Variants in ADORA2A observed in about 807,000 individuals in gnomAD.
ADORA2A encodes the protein adenosine receptor A2a.
ADORA2A carries 11 observed loss-of-function variants against 18.4 expected under a neutral mutation model. The observed-to-expected ratio is 0.60, with a 90% CI of 0.38 to 0.99. The LOEUF (loss-of-function observed/expected upper bound fraction) is 0.99, where lower values mean the gene tolerates loss of function less well. Among genes scored for constraint, ADORA2A ranks in the 50% least tolerant of loss-of-function variants. The pLI is 0.01. For synonymous variants in ADORA2A, 218 were observed against 237.3 expected, an observed-to-expected ratio of 0.92 and a Z score of 0.75; for missense variants, 449 against 556.1, an observed-to-expected ratio of 0.81 and a Z score of 1.94.
intron 1 of ADORA2A, chr22:24,431,344 G>A (rs1291002893): frequency 8.8e-6 from 4 of 456,414 alleles, no homozygotes; most frequent in Non-Finnish European, 1.8e-5. Context: ...CTGGGTGCAG[G>A]AGAACCTCCA....
intron 1 of ADORA2A, among the ~76,000 whole-genome samples, chr22:24,428,529 G>C (rs2042954148): frequency 6.6e-6 from 1 of 152,200 alleles, no homozygotes. Context: ...AGTCGGTTCA[G>C]AAGTTCTCAT....
At chr22:24,425,282 T>A (rs2042904621), upstream of ADORA2A, among the ~76,000 whole-genome samples, 1 of 149,962 alleles carries the variant, frequency 6.7e-6, no homozygotes, top group Non-Finnish European at 1.5e-5. Flanking sequence ...GGCCCTGCTT[T>A]GGCCGTTCCT....
intron 2 of ADORA2A, 139 bp downstream of exon 2, chr22:24,433,875 C>T (rs573395859): frequency 3.1e-6 from 3 of 971,124 alleles, no homozygotes; most frequent in Admixed American, 2.7e-5. Context: ...GCCCCAGGCT[C>T]AGCAGGGGCT....
upstream of ADORA2A, among the ~76,000 whole-genome samples, chr22:24,426,632 T>A (rs989407700): frequency 6.6e-5 from 10 of 152,084 alleles, no homozygotes; most frequent in African/African-American, 2.4e-4. Context: ...CCTGGGGCTC[T>A]GGGTGGTGGG....
rs1451220000 is a variant in ADORA2A, at chr22:24,441,528, C to T, written c.*39C>T. ...TTGCCCCTTCCTAAGGGAAGGAGAT[C>T]TTTATCTTTCTGGTTGGCTTGACCA... On this transcript the variant is annotated 3_prime_UTR_variant, in exon 3 of 3. Transcript: ENST00000337539. 2 of 1,466,958 alleles carry T rather than the reference C, an allele frequency of 1.4e-6. No individual in the cohort carries two copies. Among genetic ancestry groups the T allele is most frequent in the East Asian group, 2.4e-5 (1 of 42,092 alleles). 90.9% of individuals were successfully genotyped at this position (1,466,958 alleles called of 1,614,324 possible).
chr22:24,439,995 C>G (rs1043821056), intron 2 of ADORA2A, among the ~76,000 whole-genome samples: 1 of 151,900 alleles, frequency 6.6e-6, no homozygotes, highest in Non-Finnish European at 1.5e-5. Context: ...TCTGGAGTCC[C>G]CAAGTCAAAT....
chr22:24,423,773 T>A (rs2146853151), upstream of ADORA2A: 1 of 151,996 alleles, frequency 6.6e-6, no homozygotes, highest in East Asian at 2.0e-4. Context: ...CCTTCCAGGA[T>A]CGCCTGCGGG....
chr22:24,431,095 A>T (rs1413907988), intron 1 of ADORA2A: 1 of 456,100 alleles, frequency 2.2e-6, no homozygotes, highest in Non-Finnish European at 4.4e-6. Flanking sequence ...GTGTTCCTTG[A>T]GTGTGGCCAG....
intron 2 of ADORA2A, among the ~76,000 whole-genome samples, chr22:24,437,509 T>C (rs2043209795): frequency 1.3e-5 from 2 of 152,202 alleles, no homozygotes; most frequent in South Asian, 2.1e-4. Context: ...TGGAGATTTC[T>C]TTTGAATAAA....
chr22:24,439,897 G>T (rs2043291093), intron 2 of ADORA2A, among the ~76,000 whole-genome samples: 2 of 152,126 alleles, frequency 1.3e-5, no homozygotes, highest in Admixed American at 6.5e-5. Flanking sequence ...GAGGGCTGTG[G>T]GTGGGTTTGG....
rs1261097065 is a variant in ADORA2A, at chr22:24,440,674, G to A, written c.424G>A (p.Gly142Ser). The A allele has an allele frequency of 2.5e-6, 4 of 1,613,062 alleles. No individual in the cohort carries two copies. Among genetic ancestry groups the A allele is most frequent in the South Asian group, 1.1e-5 (1 of 91,070 alleles). The stretch of plus-strand genomic sequence containing the variant: ...TGCCATCGGCCTGACTCCCATGCTA[G>A]GTTGGAACAACTGCGGTCAGCCAAA... ...SFAIGLTPML[G>S]WNNCGQPKEG... is the part of the protein sequence containing the mutation. Residue 142 changes from glycine to serine, a missense_variant, in exon 3 of 3, where the codon GGT becomes AGT. Gly to Ser is a moderately conservative substitution (Grantham distance 56, BLOSUM62 0). Coordinates refer to ENST00000337539, the MANE Select transcript of ADORA2A (RefSeq NM_000675.6).
In ADORA2A at chr22:24,433,629, C is replaced by T. The variant is rs144058443; in HGVS notation, c.225C>T (p.His75=). 1.5e-4 allele frequency: 235 copies of T among 1,613,880 alleles called. No homozygotes were observed. Among genetic ancestry groups the T allele is most frequent in the Middle Eastern group, 4.9e-4 (3 of 6,062 alleles). ...GCACCGGGTTCTGCGCTGCCTGCCA[C>T]GGCTGCCTCTTCATTGCCTGCTTCG... The part of the protein sequence containing the change: ...TISTGFCAAC[H]GCLFIACFVL... Residue 75 remains histidine (H), a synonymous_variant, in exon 2 of 3, where the codon CAC becomes CAT. Coordinates refer to ENST00000337539, the MANE Select transcript of ADORA2A (RefSeq NM_000675.6).
chr22:24,424,709 G>C (rs2042898802), upstream of ADORA2A, among the ~76,000 whole-genome samples: 1 of 152,186 alleles, frequency 6.6e-6, no homozygotes, highest in African/African-American at 2.4e-5. The surrounding 1 kb of genome is among the most constrained non-coding windows in gnomAD (Gnocchi z 4.9). Context: ...GATGGGGGTG[G>C]GTGCGCGCCT....
rs201680854 is a variant in ADORA2A at position 24,441,033 on chromosome 22, C to T, written c.783C>T (p.Asp261=). ...IINCFTFFCP[D]CSHAPLWLMY... The stretch of plus-strand genomic sequence containing the variant: ...ACTGCTTCACTTTCTTCTGCCCCGA[C>T]TGCAGCCACGCCCCTCTCTGGCTCA... Residue 261 remains aspartate (D), a synonymous_variant, in exon 3 of 3, where the codon GAC becomes GAT. Coordinates refer to ENST00000337539, the MANE Select transcript of ADORA2A (RefSeq NM_000675.6). The T allele has an allele frequency of 1.2e-6, 2 of 1,614,210 alleles. No individual in the cohort carries two copies. The highest frequency in any genetic ancestry group is 1.7e-6 in the Non-Finnish European group (2 of 1,180,042).
In ADORA2A at chr22:24,433,286, G is replaced by A; in HGVS notation, c.-119G>A. ...TTGGCTCCTGTGAGGAAGGGGCTCA[G>A]GGGTCTGGGCCCCTCCGCCTGGGCC... On this transcript the variant is annotated 5_prime_UTR_variant, in exon 2 of 3. Coordinates refer to ENST00000337539, the MANE Select transcript of ADORA2A (RefSeq NM_000675.6). The A allele has an allele frequency of 2.0e-6, 2 of 979,382 alleles. No individual in the cohort carries two copies. The highest frequency in any genetic ancestry group is 3.0e-6 in the Non-Finnish European group (2 of 672,998). The allele number at this position is 979,382 out of a possible 1,614,324, so 60.7% of individuals were successfully genotyped here.
chr22:24,437,266 C>T (rs996125456), intron 2 of ADORA2A, among the ~76,000 whole-genome samples: 3 of 152,240 alleles, frequency 2.0e-5, no homozygotes, highest in African/African-American at 7.2e-5. Context: ...GACCCACATT[C>T]TCTGACATGC....
At chr22:24,426,478 G>A (rs12484115), upstream of ADORA2A, among the ~76,000 whole-genome samples, 8 of 152,180 alleles carry the variant, frequency 5.3e-5, no homozygotes, top group Admixed American at 5.2e-4. Flanking sequence ...TCCCAGAAGG[G>A]TCTGGGCCAT....
At chr22:24,429,220 A>G (rs974451403) in intron 1 of ADORA2A, 2 of 152,300 alleles carry the variant, frequency 1.3e-5, no homozygotes, top group African/African-American at 4.8e-5. Context: ...GATTAAATGG[A>G]GTTTTAATTA....
intron 2 of ADORA2A, among the ~76,000 whole-genome samples, chr22:24,434,971 G>A (rs1043803658): frequency 3.3e-5 from 5 of 152,188 alleles, no homozygotes; most frequent in Admixed American, 6.5e-5. Flanking sequence ...ACTGGGGAGC[G>A]GTCATGAGCA....
Sources: gnomAD v4.1 joint callset for allele counts (sites outside exome capture counted in the v4.1 genomes callset) on GRCh38, gnomAD v4.1.1 for gene constraint, Gnocchi (gnomAD v3.1) non-coding constraint, MANE v1.5 for transcripts, NCBI Gene and HGNC (gene_info 2026-07-23, HGNC 2026-07-21) for gene names.